The following PPP1R12A variants were observed in gnomAD, a reference collection of about 807,000 sequenced individuals.
The protein encoded by PPP1R12A is myosin binding subunit.
A neutral mutation model predicts 139.6 loss-of-function variants in PPP1R12A; 19 were observed. That is an observed-to-expected ratio of 0.14 (90% CI 0.09 to 0.20). PPP1R12A has a LOEUF of 0.20. Among genes scored for constraint, PPP1R12A ranks in the 10% least tolerant of loss-of-function variants. The probability of loss-of-function intolerance (pLI) is 1.00; values close to 1 mark genes in which losing one functional copy is unlikely to be tolerated. For missense variants in PPP1R12A, 925 were observed against 1,211.5 expected, an observed-to-expected ratio of 0.76 and a Z score of 3.51; for synonymous variants, 427 against 420.6, an observed-to-expected ratio of 1.02 and a Z score of -0.19.
intron 8 of PPP1R12A, among the ~76,000 whole-genome samples, chr12:79,818,204 T>C (rs1451821741): frequency 6.6e-6 from 1 of 152,166 alleles, no homozygotes; most frequent in East Asian, 1.9e-4. Context: ...TAGTAGGAGA[T>C]ATAAATAACA....
chr12:79,836,822 A>G (rs573341654), intron 3 of PPP1R12A, among the ~76,000 whole-genome samples: 19 of 152,294 alleles, frequency 1.2e-4, no homozygotes, highest in African/African-American at 4.3e-4. Context: ...TATTAGTAAG[A>G]TAGGTTAAGA....
intron 1 of PPP1R12A, among the ~76,000 whole-genome samples, chr12:79,924,263 C>T (rs1887664303): frequency 6.6e-6 from 1 of 152,098 alleles, no homozygotes; most frequent in South Asian, 2.1e-4. Flanking sequence ...CTTGAATATG[C>T]TACAGAGTTC....
intron 23 of PPP1R12A, chr12:79,779,292 G>T (rs1346915857): frequency 7.0e-6 from 9 of 1,287,400 alleles, no homozygotes; most frequent in Admixed American, 4.6e-5. Context: ...AGCAGTAATT[G>T]ATGAGCTGTA....
intron 1 of PPP1R12A, among the ~76,000 whole-genome samples, chr12:79,915,353 T>A (rs777734819): frequency 1.3e-5 from 2 of 152,144 alleles, no homozygotes; most frequent in Non-Finnish European, 2.9e-5. Context: ...ATGAAGCCAT[T>A]CCCTTGGCAG....
intron 1 of PPP1R12A, among the ~76,000 whole-genome samples, chr12:79,917,863 T>C (rs1887125779): frequency 6.6e-6 from 1 of 152,188 alleles, no homozygotes; most frequent in African/African-American, 2.4e-5. Context: ...CACTATACAA[T>C]TAGAAAAATC....
At chr12:79,794,618 T>C (rs1872283147) in intron 18 of PPP1R12A, among the ~76,000 whole-genome samples, 1 of 151,886 alleles carries the variant, frequency 6.6e-6, no homozygotes, top group Non-Finnish European at 1.5e-5. Context: ...ACAGAAAAGA[T>C]ATATTATACA....
At chr12:79,821,701 T>TGA (rs1365083342) in intron 6 of PPP1R12A, among the ~76,000 whole-genome samples, 1 of 150,396 alleles carries the variant, frequency 6.6e-6, no homozygotes, top group Non-Finnish European at 1.5e-5. Context: ...TGCAGTGAGT[T>TGA]GAGATCGCGC....
Position 79,934,994 on chromosome 12 carries a change from A to C in PPP1R12A, c.-63T>G. On this transcript the variant is annotated 5_prime_UTR_variant, in exon 1 of 25. Transcript: ENST00000450142. ...GGGAAGGGGGAGGCGGAGAGGGAAG[A>C]GAGGGGAGGCAGGGGGTGTGTGAAT... 6.6e-7 allele frequency: 1 copy of C among 1,510,002 alleles called. No individual in the cohort carries two copies. Among genetic ancestry groups the C allele is most frequent in the South Asian group, 1.3e-5 (1 of 78,118 alleles). 93.5% of individuals were successfully genotyped at this position (1,510,002 alleles called of 1,614,324 possible). A position where few individuals can be genotyped will look rare whatever the true frequency, so the allele number is the denominator to read the frequency against.
At chr12:79,882,165 G>T (rs982682855) in intron 1 of PPP1R12A, among the ~76,000 whole-genome samples, 1 of 152,140 alleles carries the variant, frequency 6.6e-6, no homozygotes, top group Non-Finnish European at 1.5e-5. Flanking sequence ...TCATGTCTTC[G>T]TATTTAAAAA....
intron 4 of PPP1R12A, among the ~76,000 whole-genome samples, chr12:79,831,234 C>T (rs1877381486): frequency 6.6e-6 from 1 of 151,650 alleles, no homozygotes; most frequent in Admixed American, 6.6e-5. Flanking sequence ...AAAAAGGCAA[C>T]ACTGCCATAC....
chr12:79,890,407 T>C (rs555382117), intron 1 of PPP1R12A, among the ~76,000 whole-genome samples: 1 of 152,156 alleles, frequency 6.6e-6, no homozygotes, highest in Non-Finnish European at 1.5e-5. Flanking sequence ...GAAATGTAGT[T>C]AAAAATTATC....
intron 1 of PPP1R12A, among the ~76,000 whole-genome samples, chr12:79,882,226 T>C (rs750432534): frequency 6.6e-6 from 1 of 152,240 alleles, no homozygotes; most frequent in Non-Finnish European, 1.5e-5. Context: ...ATTCCTCTGA[T>C]GGATCTGGGC....
rs112031962 is a variant in PPP1R12A at position 79,781,129 on chromosome 12, G to A, written c.2955+686C>T. ...TTGGGCACTTTTCCTTTAACTTTTG[G>A]ATCATTTATACATTTTCAACTGATG... On this transcript the variant is annotated intron_variant, in intron 23 of 24. Coordinates refer to ENST00000450142, the MANE Select transcript of PPP1R12A (RefSeq NM_002480.3). Among the ~76,000 whole-genome samples, 1,303 of 152,028 alleles carry A rather than the reference G, an allele frequency of 8.6e-3. 18 individuals are homozygous for A. The highest frequency in any genetic ancestry group is 0.029 in the African/African-American group (1,201 of 41,470).
At chr12:79,911,596 T>A (rs1323706276) in intron 1 of PPP1R12A, among the ~76,000 whole-genome samples, 2 of 152,078 alleles carry the variant, frequency 1.3e-5, no homozygotes, top group Admixed American at 6.5e-5. Flanking sequence ...AAACCTGAAA[T>A]AAAAGGTTTT....
intron 1 of PPP1R12A, chr12:79,913,764 T>C (rs1886779662): frequency 6.6e-6 from 1 of 152,200 alleles, no homozygotes; most frequent in African/African-American, 2.4e-5. Flanking sequence ...AAATCTGTGA[T>C]TGGTTTCGGA....
intron 1 of PPP1R12A, among the ~76,000 whole-genome samples, chr12:79,894,416 TA>T (rs1278921741): frequency 6.6e-6 from 1 of 152,158 alleles, no homozygotes; most frequent in Non-Finnish European, 1.5e-5. Context: ...ATCTAAAAGC[TA>T]AGTCTTGACC....
In PPP1R12A at chr12:79,774,420, A is replaced by T. The variant is rs1040467709; in HGVS notation, c.*1509T>A. ...AATGAAGGGGTACAAATTCACATTT[A>T]ATATAGTATACAATACAATCAATAA... On this transcript the variant is annotated 3_prime_UTR_variant, in exon 25 of 25. Coordinates refer to ENST00000450142, the MANE Select transcript of PPP1R12A (RefSeq NM_002480.3). 1.3e-5 allele frequency: 2 copies of T among 152,576 alleles called. No homozygotes were observed. Among genetic ancestry groups the T allele is most frequent in the Non-Finnish European group, 2.9e-5 (2 of 67,982 alleles). 9.5% of individuals were successfully genotyped at this position (152,576 alleles called of 1,614,324 possible).
chr12:79,898,939 A>C (rs1289609304), intron 1 of PPP1R12A, among the ~76,000 whole-genome samples: 1 of 152,070 alleles, frequency 6.6e-6, no homozygotes, highest in African/African-American at 2.4e-5. Context: ...TTCGCATTTT[A>C]TTGTATGAAA....
intron 2 of PPP1R12A, among the ~76,000 whole-genome samples, chr12:79,847,990 T>C (rs1004922218): frequency 6.6e-6 from 1 of 152,146 alleles, no homozygotes; most frequent in Admixed American, 6.5e-5. Flanking sequence ...CTCTAAGAGA[T>C]AGAGGAAGAG....
Sources: allele counts gnomAD v4.1 joint callset (sites outside exome capture counted in the v4.1 genomes callset), GRCh38; gene constraint gnomAD v4.1.1; transcripts MANE v1.5; gene names NCBI Gene and HGNC (gene_info 2026-07-23, HGNC 2026-07-21).